The following ATG7 variants were observed in gnomAD, a reference collection of about 807,000 sequenced individuals.
ATG7 encodes autophagy related 7.
In ATG7, 70 loss-of-function variants were observed where a neutral mutation model predicts 82.4. That is an observed-to-expected ratio of 0.85 (90% CI 0.70 to 1.04). The LOEUF is 1.04. Ranked by LOEUF, ATG7 falls within the 50% of genes least tolerant of loss-of-function variation. ATG7 has a pLI of 0.00. For synonymous variants in ATG7, 287 were observed against 313.0 expected, an observed-to-expected ratio of 0.92 and a Z score of 0.88; for missense variants, 792 against 864.3, an observed-to-expected ratio of 0.92 and a Z score of 1.05.
chr3:11,358,348 G>A (rs1243528290), intron 14 of ATG7, 70 bp from the exon 15 acceptor site: 1 of 1,467,544 alleles, frequency 6.8e-7, no homozygotes, highest in East Asian at 2.3e-5. Flanking sequence ...GGCAGCTGTG[G>A]GAAGTGTGGG....
At chr3:11,360,860 T>C in intron 16 of ATG7, 76 bp downstream of exon 16, 1 of 1,430,510 alleles carries the variant, frequency 7.0e-7, no homozygotes, top group Admixed American at 1.9e-5. Flanking sequence ...CTTGGCCCTT[T>C]CATTTATGAC....
chr3:11,573,911 T>C, the ATG7 span, among the ~76,000 whole-genome samples: 1 of 152,152 alleles, frequency 6.6e-6, no homozygotes, highest in African/African-American at 2.4e-5. Flanking sequence ...ATGTGACTGG[T>C]GTCCTATTAG....
intron 20 of ATG7, among the ~76,000 whole-genome samples, chr3:11,524,310 A>AC (rs1311540062): frequency 2.0e-5 from 3 of 152,216 alleles, no homozygotes; most frequent in South Asian, 4.1e-4. Flanking sequence ...CCCCACTGGG[A>AC]AACTGGGTTA....
chr3:11,466,982 G>A (rs374375462), intron 20 of ATG7, among the ~76,000 whole-genome samples: 9 of 152,074 alleles, frequency 5.9e-5, no homozygotes, highest in African/African-American at 2.2e-4. Context: ...CAAAAAATTA[G>A]GTGTGGTGGC....
chr3:11,275,642 G>T (rs1473174657), intron 1 of ATG7, among the ~76,000 whole-genome samples: 1 of 151,522 alleles, frequency 6.6e-6, no homozygotes, highest in Non-Finnish European at 1.5e-5. Flanking sequence ...ACAGGCGTGA[G>T]CCACCGCTTC....
At chr3:11,405,758 GC>G (rs1393392137) in intron 19 of ATG7, among the ~76,000 whole-genome samples, 1 of 151,992 alleles carries the variant, frequency 6.6e-6, no homozygotes. Context: ...CTCCCAAGTA[GC>G]TGGGACTACA....
intron 9 of ATG7, among the ~76,000 whole-genome samples, chr3:11,329,784 A>G (rs1210510857): frequency 6.6e-6 from 1 of 152,178 alleles, no homozygotes; most frequent in Non-Finnish European, 1.5e-5. Flanking sequence ...ATTTGTCAAA[A>G]CTAAGAAGCC....
chr3:11,563,557 C>CACACACA, the ATG7 span, among the ~76,000 whole-genome samples: 3 of 152,226 alleles, frequency 2.0e-5, no homozygotes, highest in Non-Finnish European at 2.9e-5. Context: ...CTCTGGCTGC[C>CACACACA]CACAGCTCTG....
At chr3:11,442,653 A>T (rs1431481257) in intron 20 of ATG7, among the ~76,000 whole-genome samples, 1 of 142,076 alleles carries the variant, frequency 7.0e-6, no homozygotes, top group African/African-American at 2.6e-5. Context: ...CTGTAATCTC[A>T]GCACTTTGGG....
At chr3:11,530,779 G>A (rs148603724) in intron 20 of ATG7, among the ~76,000 whole-genome samples, 46 of 152,202 alleles carry the variant, frequency 3.0e-4, no homozygotes, top group African/African-American at 9.9e-4. Flanking sequence ...TCAGGAGTTC[G>A]AGACCAGCCT....
At chr3:11,451,837 A>G (rs2454506) in intron 20 of ATG7, among the ~76,000 whole-genome samples, 1 of 144,388 alleles carries the variant, frequency 6.9e-6, no homozygotes, top group Non-Finnish European at 1.5e-5. Context: ...GTCTCTCTCT[A>G]TCTCTCTCTC....
chr3:11,564,385 G>A, the ATG7 span, among the ~76,000 whole-genome samples: 3 of 136,124 alleles, frequency 2.2e-5, no homozygotes, highest in Middle Eastern at 3.6e-3. Context: ...CCGCGTGACC[G>A]TCTAAAGGAG....
chr3:11,372,888 TG>T (rs1180798403), intron 18 of ATG7, among the ~76,000 whole-genome samples: 1 of 150,730 alleles, frequency 6.6e-6, no homozygotes, highest in African/African-American at 2.5e-5. Flanking sequence ...TTTCCCCTTG[TG>T]GGGAGAGGGG....
chr3:11,402,078 C>T (rs76680218), intron 19 of ATG7, among the ~76,000 whole-genome samples: 3,755 of 151,814 alleles, frequency 0.025, 149 homozygotes, highest in African/African-American at 0.084. Flanking sequence ...ACAGGGTGGT[C>T]GCAGGAGAAT....
At chr3:11,533,946 G>GCGCA (rs2092740237) in intron 20 of ATG7, among the ~76,000 whole-genome samples, 1 of 152,186 alleles carries the variant, frequency 6.6e-6, no homozygotes. Context: ...AAAACTTGGA[G>GCGCA]CGCATCTTGA....
At chr3:11,573,268 A>AG in the ATG7 span, among the ~76,000 whole-genome samples, 11 of 18,676 alleles carry the variant, frequency 5.9e-4, no homozygotes, top group African/African-American at 6.1e-4. Flanking sequence ...AGAAAGAAAG[A>AG]AAGAAAGAAA....
chr3:11,561,824 C>T (rs1358109193), downstream of ATG7, among the ~76,000 whole-genome samples: 1 of 151,980 alleles, frequency 6.6e-6, no homozygotes, highest in African/African-American at 2.4e-5. Flanking sequence ...ACAGAGGCTG[C>T]CCCGGGGGAG....
chr3:11,548,799 C>T (rs2071513508), intron 20 of ATG7, among the ~76,000 whole-genome samples: 2 of 152,200 alleles, frequency 1.3e-5, no homozygotes. Context: ...GGGCCTGTTC[C>T]CAGTCTTTTC....
At position 11,309,089 on chromosome 3, in the gene ATG7, G is replaced by A. The variant is rs767778410; in HGVS notation, c.411+28G>A. 16 of 1,590,842 alleles carry A rather than the reference G, an allele frequency of 1.0e-5. No individual in the cohort carries two copies. In the South Asian group the frequency reaches 1.3e-4, roughly 13 times the overall value. Reference sequence around the variant, plus strand: ...AAGTAAATGGGCTCTCGGTTGCACCGAGGTTGGTGAAATCCCCTGGCTTAG... The same window carrying A: ...AAGTAAATGGGCTCTCGGTTGCACCAAGGTTGGTGAAATCCCCTGGCTTAG... On this transcript the variant is annotated intron_variant, in intron 7 of 20. Transcript: ENST00000693202.
Sources: allele counts gnomAD v4.1 joint callset (sites outside exome capture counted in the v4.1 genomes callset), GRCh38; gene constraint gnomAD v4.1.1; transcripts MANE v1.5; gene names NCBI Gene and HGNC (gene_info 2026-07-23, HGNC 2026-07-21).